TRPM5: variants seen among roughly 807,000 people sequenced by gnomAD.
TRPM5 encodes the protein transient receptor potential cation channel subfamily M member 5, also known as MLSN1 and TRP-related.
A neutral mutation model predicts 124.9 loss-of-function variants in TRPM5; 121 were observed. The observed-to-expected ratio is 0.97, with a 90% confidence interval of 0.84 to 1.13. The LOEUF (loss-of-function observed/expected upper bound fraction) is 1.13, where lower values mean the gene tolerates loss of function less well. Ranked by LOEUF, TRPM5 falls within the 50% of genes most tolerant of loss-of-function variation. The pLI, the probability that TRPM5 is intolerant of heterozygous loss-of-function variation, is 0.00. For missense variants in TRPM5, 1,643 were observed against 1,589.1 expected (o/e 1.03, Z -0.58); for synonymous variants, 781 against 700.5 (o/e 1.11, Z -1.81).
intron 10 of TRPM5, 32 bp from the exon 16 acceptor site, chr11:2,414,870 C>T (rs1442656455): frequency 1.3e-6 from 2 of 1,592,436 alleles, no homozygotes; most frequent in Admixed American, 1.7e-5. Flanking sequence ...GGCCGCCCCT[C>T]CCCTGCCCCC....
intron 19 of TRPM5, 102 bp from the exon 25 acceptor site, chr11:2,407,402 CTG>C (rs1415139441): frequency 3.4e-6 from 4 of 1,183,176 alleles, no homozygotes; most frequent in Non-Finnish European, 4.8e-6. Flanking sequence ...CTTTTTGAAA[CTG>C]AGGCCCAGCA....
chr11:2,433,446 G>A, the TRPM5 span, among the ~76,000 whole-genome samples: 3 of 152,252 alleles, frequency 2.0e-5, no homozygotes, highest in African/African-American at 7.2e-5. Context: ...AGCGCTGCCC[G>A]GGCCCAGTGG....
intron 18 of TRPM5, among the ~76,000 whole-genome samples, chr11:2,408,501 G>A (rs913653395): frequency 1.3e-5 from 2 of 152,220 alleles, no homozygotes; most frequent in African/African-American, 4.8e-5. Flanking sequence ...TGAGGGCACC[G>A]ATCCCGCACT....
exon 1 of TRPM5, chr11:2,422,964 T>G (rs752503206): frequency 6.2e-7 from 1 of 1,613,118 alleles, no homozygotes; most frequent in Non-Finnish European, 8.5e-7. Context: ...ACCTCGCCCC[T>G]GTGCAAGCCC....
the TRPM5 span, among the ~76,000 whole-genome samples, chr11:2,439,024 C>T: frequency 2.6e-5 from 4 of 152,158 alleles, no homozygotes; most frequent in African/African-American, 7.2e-5. Context: ...AGTAAAGCCA[C>T]ACACCTACAG....
At chr11:2,408,615 T>C (rs1486533597) in intron 18 of TRPM5, among the ~76,000 whole-genome samples, 2 of 152,078 alleles carry the variant, frequency 1.3e-5, no homozygotes, top group African/African-American at 4.8e-5. Flanking sequence ...GTGGCAGATC[T>C]CACTCCAGTC....
At chr11:2,433,112 C>T in the TRPM5 span, among the ~76,000 whole-genome samples, 1 of 152,270 alleles carries the variant, frequency 6.6e-6, no homozygotes, top group African/African-American at 2.4e-5. Context: ...TGCAGCATCA[C>T]CTTTTGCCTG....
intron 18 of TRPM5, among the ~76,000 whole-genome samples, chr11:2,410,217 G>A (rs556087760): frequency 4.7e-4 from 71 of 152,352 alleles, no homozygotes; most frequent in African/African-American, 1.5e-3. Context: ...CCAAGGAAAT[G>A]AGCCGCGCTG....
chr11:2,416,867 A>G (rs547292557), intron 7 of TRPM5, among the ~76,000 whole-genome samples: 1 of 152,348 alleles, frequency 6.6e-6, no homozygotes, highest in Admixed American at 6.5e-5. Context: ...AGACGCATCA[A>G]CCACGGTCTG....
intron 7 of TRPM5, 59 bp downstream of exon 12, chr11:2,417,668 C>T (rs901995812): frequency 1.3e-5 from 18 of 1,401,524 alleles, no homozygotes; most frequent in South Asian, 5.0e-5. Flanking sequence ...AACCCCAAAG[C>T]GGCTCTGAGC....
At chr11:2,419,347 C>T (rs1453745402) in intron 4 of TRPM5, among the ~76,000 whole-genome samples, 1 of 151,950 alleles carries the variant, frequency 6.6e-6, no homozygotes, top group Non-Finnish European at 1.5e-5. Context: ...GTGGCTCATG[C>T]CTGTAATCCC....
At chr11:2,421,497 C>T (rs187482757) in intron 2 of TRPM5, among the ~76,000 whole-genome samples, 20 of 152,354 alleles carry the variant, frequency 1.3e-4, no homozygotes, top group Non-Finnish European at 2.1e-4. Context: ...GGGACACATC[C>T]GACACAACTC....
At chr11:2,441,385 C>T in the TRPM5 span, among the ~76,000 whole-genome samples, 2 of 152,074 alleles carry the variant, frequency 1.3e-5, no homozygotes, top group Non-Finnish European at 2.9e-5. This position sits in a 1 kb window ranked among gnomAD's most constrained non-coding sequence, Gnocchi z 7.2. Flanking sequence ...TCCTACCAGG[C>T]CATCCACCCT....
chr11:2,418,076 G>T, intron 6 of TRPM5, 91 bp downstream of exon 11: 2 of 1,244,672 alleles, frequency 1.6e-6, no homozygotes, highest in Non-Finnish European at 2.2e-6. Flanking sequence ...GGGAGGAGTG[G>T]GCTGGAGGCT....
Position 2,405,563 on chromosome 11 carries a change from C to CGGAGGACA in TRPM5, c.3347_3354dup (p.Val1119CysfsTer35). The CGGAGGACA allele has an allele frequency of 6.4e-7, 1 of 1,566,080 alleles. No homozygotes were observed. The highest frequency in any genetic ancestry group is 8.7e-7 in the Non-Finnish European group (1 of 1,155,090). ...CCACCCTGGGCCAGCACGTCAGCCA[C>CGGAGGACA]GGAGGACACGAGCACCGAGCAGTAG... is the stretch of plus-strand genomic sequence containing the variant. On this transcript the variant is annotated frameshift_variant, in exon 23 of 24. Transcript: ENST00000155858. LOFTEE classifies it low-confidence loss of function (END_TRUNC).
chr11:2,416,081 G>C, intron 7 of TRPM5, 57 bp from the exon 13 acceptor site: 1 of 1,339,778 alleles, frequency 7.5e-7, no homozygotes. Flanking sequence ...TCACAGAGCC[G>C]GGGCACAGGG....
In TRPM5 at chr11:2,417,462, C is replaced by G. The variant is rs573238056; in HGVS notation, c.1009+265G>C. ...AGTGCGAGACTCCGTCTCAAAAAAC[C>G]GAAAACCAAAACAAACAAAAAACAA... On this transcript the variant is annotated intron_variant, in intron 7 of 23. Transcript: ENST00000155858. 1.4e-4 allele frequency among the ~76,000 whole-genome samples: 22 copies of G among 152,176 alleles called. No homozygotes were observed. In the East Asian group the frequency reaches 3.9e-3, roughly 27 times the overall value.
chr11:2,410,430 A>AAC (rs56020358), intron 18 of TRPM5, among the ~76,000 whole-genome samples: 9 of 151,916 alleles, frequency 5.9e-5, no homozygotes, highest in Non-Finnish European at 1.0e-4. Flanking sequence ...CCGCCTGAGC[A>AAC]GTTTCCCTGC....
At chr11:2,440,560 A>G in the TRPM5 span, among the ~76,000 whole-genome samples, 1 of 152,018 alleles carries the variant, frequency 6.6e-6, no homozygotes, top group African/African-American at 2.4e-5. This position sits in a 1 kb window ranked among gnomAD's most constrained non-coding sequence, Gnocchi z 5.2. Flanking sequence ...GATTTGCTGA[A>G]GGGCCTGCTC....
Sources: allele counts gnomAD v4.1 joint callset (sites outside exome capture counted in the v4.1 genomes callset), GRCh38; gene constraint gnomAD v4.1.1; non-coding constraint Gnocchi (gnomAD v3.1); transcripts MANE v1.5; gene names NCBI Gene and HGNC (gene_info 2026-07-23, HGNC 2026-07-21).